The following SLC16A12 variants were observed in gnomAD, a reference collection of about 807,000 sequenced individuals.
SLC16A12 encodes solute carrier family 16 member 12, also known as monocarboxylate transporter 12.
Under a neutral mutation model 42.4 loss-of-function variants are expected in SLC16A12, and 17 were observed. The observed-to-expected ratio is 0.40, with a 90% confidence interval of 0.27 to 0.60. The LOEUF is 0.60. Ranked by LOEUF, SLC16A12 falls within the 20% of genes least tolerant of loss-of-function variation. The pLI is 0.42. For missense variants in SLC16A12, 544 were observed against 623.0 expected (o/e 0.87, Z 1.35); for synonymous variants, 224 against 229.4 (o/e 0.98, Z 0.21).
chr10:89,482,004 A>T (rs1252851879), intron 2 of SLC16A12, among the ~76,000 whole-genome samples: 1 of 152,208 alleles, frequency 6.6e-6, no homozygotes, highest in Non-Finnish European at 1.5e-5. Context: ...GATAAAAATA[A>T]GTAAAGGCAT....
At chr10:89,523,835 C>T (rs928761698) in intron 2 of SLC16A12, among the ~76,000 whole-genome samples, 1 of 152,198 alleles carries the variant, frequency 6.6e-6, no homozygotes. Context: ...ATACATAGTC[C>T]TTGCCCTCTT....
At chr10:89,555,865 A>G (rs1843811981) in intron 2 of SLC16A12, 1 of 151,258 alleles carries the variant, frequency 6.6e-6, no homozygotes, top group African/African-American at 2.4e-5. Context: ...TGTGTTTACT[A>G]TTGGAACTTA....
chr10:89,533,458 A>G (rs1009639146), intron 2 of SLC16A12, among the ~76,000 whole-genome samples: 2 of 152,252 alleles, frequency 1.3e-5, no homozygotes, highest in East Asian at 3.8e-4. Context: ...TATGCAGTGC[A>G]ATGCAATGTT....
At chr10:89,529,761 T>C (rs1046913659) in intron 2 of SLC16A12, among the ~76,000 whole-genome samples, 1 of 152,092 alleles carries the variant, frequency 6.6e-6, no homozygotes, top group African/African-American at 2.4e-5. Flanking sequence ...TTGGCCACGC[T>C]AGTCTCGAAC....
intron 2 of SLC16A12, among the ~76,000 whole-genome samples, chr10:89,484,076 G>A (rs1842712324): frequency 6.6e-6 from 1 of 152,110 alleles, no homozygotes. Context: ...CTCTCTTAAG[G>A]CCAGGAGTTT....
intron 2 of SLC16A12, among the ~76,000 whole-genome samples, chr10:89,548,016 A>C (rs973080028): frequency 2.0e-5 from 3 of 151,208 alleles, no homozygotes; most frequent in Non-Finnish European, 4.4e-5. Context: ...GAAGCTGGCA[A>C]GGTGGAGCGT....
chr10:89,432,867 T>G lies in SLC16A12; in HGVS notation c.*197A>C. The G allele has an allele frequency of 2.8e-6, 2 of 708,722 alleles. No homozygotes were observed. Among genetic ancestry groups the G allele is most frequent in the Non-Finnish European group, 2.2e-6 (1 of 451,658 alleles). 43.9% of individuals were successfully genotyped at this position (708,722 alleles called of 1,614,324 possible). On this transcript the variant is annotated 3_prime_UTR_variant, in exon 8 of 8. Transcript: ENST00000371790. ...TTCAGTTATGAGCACAAATCCCAAA[T>G]GAGAAGGCTCTGGGCTAGTCCAGCT...
At chr10:89,526,468 A>G (rs1480497681) in intron 2 of SLC16A12, among the ~76,000 whole-genome samples, 3 of 152,226 alleles carry the variant, frequency 2.0e-5, no homozygotes, top group African/African-American at 4.8e-5. Flanking sequence ...TCAAAGTTAT[A>G]AAGTTATTAA....
intron 6 of SLC16A12, among the ~76,000 whole-genome samples, chr10:89,436,885 A>AAAGAAAG (rs1301677993): frequency 8.9e-5 from 13 of 146,332 alleles, no homozygotes; most frequent in Non-Finnish European, 1.9e-4. Context: ...AGAAAGAAAG[A>AAAGAAAG]AAGAAAGAAA....
At chr10:89,474,947 C>T (rs1270834557) in intron 2 of SLC16A12, among the ~76,000 whole-genome samples, 3 of 152,176 alleles carry the variant, frequency 2.0e-5, no homozygotes, top group Middle Eastern at 3.2e-3. Flanking sequence ...CTCTCCCTGG[C>T]CTTTAAGCTG....
At chr10:89,487,778 C>CA (rs1344963007) in intron 2 of SLC16A12, among the ~76,000 whole-genome samples, 1 of 143,338 alleles carries the variant, frequency 7.0e-6, no homozygotes, top group Non-Finnish European at 1.5e-5. Flanking sequence ...CGCCACTGCA[C>CA]TCCAGCCTGG....
rs138937818 is a variant in SLC16A12, at chr10:89,436,265, C to A, written c.1083G>T (p.Gly361=). ...VCYLFAVGMD[G]LCYLCLPMLQ... is the part of the protein sequence containing the mutation. ...GCATTGGGAGGCAGAGATAGCAGAGCCCATCCATTCCCACGGCAAAGAGGT... is the reference window on the plus strand; with the variant it reads ...GCATTGGGAGGCAGAGATAGCAGAGACCATCCATTCCCACGGCAAAGAGGT... The change falls in exon 7 of 8, where the codon GGG becomes GGT. Residue 361 remains glycine, a synonymous_variant. Coordinates refer to ENST00000371790, the MANE Select transcript of SLC16A12 (RefSeq NM_213606.4). 54 of 1,613,940 alleles carry A rather than the reference C, an allele frequency of 3.3e-5. No homozygotes were observed. The African/African-American group carries it at 6.5e-4, about 20-fold the overall frequency.
chr10:89,555,165 G>A (rs1239882087), intron 2 of SLC16A12, among the ~76,000 whole-genome samples: 1 of 151,714 alleles, frequency 6.6e-6, no homozygotes, highest in East Asian at 1.9e-4. Context: ...TATTTAAGAG[G>A]ACACAATATC....
intron 2 of SLC16A12, among the ~76,000 whole-genome samples, chr10:89,498,702 A>T (rs1042822111): frequency 6.6e-5 from 10 of 152,240 alleles, no homozygotes; most frequent in African/African-American, 1.9e-4. Context: ...GGACCCACAG[A>T]CCCTCTGAAG....
chr10:89,528,040 T>G (rs913738850), intron 2 of SLC16A12, among the ~76,000 whole-genome samples: 2 of 152,022 alleles, frequency 1.3e-5, no homozygotes, highest in Non-Finnish European at 2.9e-5. Context: ...AATATCTTTC[T>G]TATATAAAAG....
rs192024512 is a variant in SLC16A12, at chr10:89,510,416, T to A, written c.-47+24085A>T. 2.1e-3 allele frequency among the ~76,000 whole-genome samples: 319 copies of A among 152,212 alleles called. 1 individual carries two copies. The highest frequency in any genetic ancestry group is 7.3e-3 in the African/African-American group (305 of 41,532). ...AGACAAATGGAACGGAACAGAGGCC[T>A]CAGAAATAACACCACACATCTACAA... On this transcript the variant is annotated intron_variant, in intron 2 of 7. Transcript: ENST00000371790.
intron 2 of SLC16A12, among the ~76,000 whole-genome samples, chr10:89,511,378 C>T (rs1389947269): frequency 6.6e-6 from 1 of 152,158 alleles, no homozygotes; most frequent in African/African-American, 2.4e-5. Context: ...GGCACATATA[C>T]ACCATGGAAT....
chr10:89,466,856 T>C (rs1345817817), intron 2 of SLC16A12, among the ~76,000 whole-genome samples: 2 of 152,214 alleles, frequency 1.3e-5, no homozygotes, highest in Non-Finnish European at 2.9e-5. Flanking sequence ...TTTCAACTTC[T>C]GCCCATACTG....
At chr10:89,482,036 G>A (rs1210325405) in intron 2 of SLC16A12, among the ~76,000 whole-genome samples, 2 of 152,082 alleles carry the variant, frequency 1.3e-5, no homozygotes, top group African/African-American at 2.4e-5. Flanking sequence ...AATAGTTTTA[G>A]AATCTTTGAA....
Sources: allele counts gnomAD v4.1 joint callset (sites outside exome capture counted in the v4.1 genomes callset), GRCh38; gene constraint gnomAD v4.1.1; transcripts MANE v1.5; gene names NCBI Gene and HGNC (gene_info 2026-07-23, HGNC 2026-07-21).